Variants in LDLRAD4 observed in about 807,000 individuals in gnomAD.
The protein encoded by LDLRAD4 is low density lipoprotein receptor class A domain containing 4.
In LDLRAD4, 5 loss-of-function variants were observed where a neutral mutation model predicts 17.0. That is an observed-to-expected ratio of 0.29 (90% CI 0.15 to 0.62). LDLRAD4 has a LOEUF of 0.62. LDLRAD4 is among the 20% of genes least tolerant of loss of function. The pLI is 0.84. For missense variants in LDLRAD4, 340 were observed against 424.7 expected (o/e 0.80, Z 1.75); for synonymous variants, 168 against 171.8 (o/e 0.98, Z 0.17).
chr18:13,641,681 G>C, intron 4 of LDLRAD4: 1 of 904,814 alleles, frequency 1.1e-6, no homozygotes, highest in Non-Finnish European at 1.3e-6. Context: ...GCCTCTGGCG[G>C]TTTCCTGTCC....
intron 3 of LDLRAD4, among the ~76,000 whole-genome samples, chr18:13,593,170 G>A (rs912344240): frequency 6.6e-6 from 1 of 152,038 alleles, no homozygotes; most frequent in Non-Finnish European, 1.5e-5. Context: ...TAAATTAGCC[G>A]GACATGGTGG....
At chr18:13,491,072 C>T (rs971242177) in intron 3 of LDLRAD4, among the ~76,000 whole-genome samples, 8 of 152,206 alleles carry the variant, frequency 5.3e-5, no homozygotes, top group Non-Finnish European at 8.8e-5. Flanking sequence ...GTGGGGGCTG[C>T]TCTCTACCAT....
At chr18:13,563,770 G>A (rs531069423) in intron 3 of LDLRAD4, among the ~76,000 whole-genome samples, 4 of 152,324 alleles carry the variant, frequency 2.6e-5, no homozygotes, top group East Asian at 1.9e-4. Flanking sequence ...CCACAAGACC[G>A]ACCCCTGTTC....
chr18:13,532,018 G>A (rs1282562737), intron 3 of LDLRAD4, among the ~76,000 whole-genome samples: 1 of 152,134 alleles, frequency 6.6e-6, no homozygotes. Context: ...GCAGAGTGTG[G>A]TCCCCTGCCT....
At chr18:13,391,868 C>T (rs1315423180) in intron 2 of LDLRAD4, among the ~76,000 whole-genome samples, 1 of 152,126 alleles carries the variant, frequency 6.6e-6, no homozygotes, top group African/African-American at 2.4e-5. Context: ...CTTATAAATA[C>T]GATTTTAAAT....
Position 13,287,639 on chromosome 18 carries a change from A to G in LDLRAD4, c.-383+9451A>G, listed in dbSNP as rs371421920. 1.3e-3 allele frequency among the ~76,000 whole-genome samples: 199 copies of G among 152,286 alleles called. 1 individual carries two copies. Among genetic ancestry groups the G allele is most frequent in the African/African-American group, 4.3e-3 (179 of 41,558 alleles). On this transcript the variant is annotated intron_variant, in intron 1 of 5. Coordinates refer to ENST00000359446, the Ensembl canonical transcript of LDLRAD4. ...CCCTCAGGTTATGGGGTGGGGCGGG[A>G]GGTGCCCAAATTCTTATTCCTACAC... is the stretch of plus-strand genomic sequence containing the variant.
chr18:13,418,511 G>A (rs1184262517), intron 2 of LDLRAD4, among the ~76,000 whole-genome samples: 11 of 152,190 alleles, frequency 7.2e-5, no homozygotes, highest in Admixed American at 5.9e-4. Flanking sequence ...CTCCGGCCTC[G>A]CTGCTGTTGG....
intron 3 of LDLRAD4, among the ~76,000 whole-genome samples, chr18:13,589,382 T>A (rs1601578921): frequency 6.6e-6 from 1 of 152,204 alleles, no homozygotes; most frequent in East Asian, 1.9e-4. Context: ...CACTGAGTTT[T>A]ACCTAGGAAG....
intron 3 of LDLRAD4, among the ~76,000 whole-genome samples, chr18:13,601,267 C>A (rs960260501): frequency 6.6e-6 from 1 of 151,986 alleles, no homozygotes; most frequent in Non-Finnish European, 1.5e-5. Context: ...GGAATGTAAA[C>A]AAATCAATGA....
At chr18:13,237,273 G>A (rs1420468642) in intron 1 of LDLRAD4, among the ~76,000 whole-genome samples, 1 of 152,204 alleles carries the variant, frequency 6.6e-6, no homozygotes, top group East Asian at 1.9e-4. Flanking sequence ...AAATGCAGGG[G>A]ACTAAGTGCA....
intron 3 of LDLRAD4, among the ~76,000 whole-genome samples, chr18:13,572,623 G>T (rs2094709097): frequency 6.6e-6 from 1 of 152,220 alleles, no homozygotes; most frequent in Non-Finnish European, 1.5e-5. Flanking sequence ...GAGGAGAGGA[G>T]ATTTGCTTCT....
intron 2 of LDLRAD4, among the ~76,000 whole-genome samples, chr18:13,429,368 A>T (rs1188223228): frequency 6.6e-6 from 1 of 152,202 alleles, no homozygotes; most frequent in African/African-American, 2.4e-5. Flanking sequence ...GAAATGGGCC[A>T]TGGGGCCCAG....
intron 1 of LDLRAD4, among the ~76,000 whole-genome samples, chr18:13,360,438 C>G (rs1203990177): frequency 3.3e-5 from 5 of 152,186 alleles, no homozygotes; most frequent in Non-Finnish European, 5.9e-5. Flanking sequence ...CTGCCATGAT[C>G]CTGGCTAGTT....
At chr18:13,520,684 C>G (rs1448895391) in intron 3 of LDLRAD4, 2 of 152,190 alleles carry the variant, frequency 1.3e-5, no homozygotes, top group Non-Finnish European at 2.9e-5. Context: ...GAGACCTCGT[C>G]TCTACTAAAA....
Position 13,611,363 on chromosome 18 carries a change from A to T in LDLRAD4, c.182-9754A>T, listed in dbSNP as rs745358550. 5.2e-4 allele frequency: 287 copies of T among 552,958 alleles called. 1 individual carries two copies. In the Middle Eastern group the frequency reaches 0.012, roughly 23 times the overall value. 34.3% of individuals were successfully genotyped at this position (552,958 alleles called of 1,614,324 possible). A position where few individuals can be genotyped will look rare whatever the true frequency, so the allele number is the denominator to read the frequency against. On this transcript the variant is annotated intron_variant, in intron 3 of 5. Transcript: ENST00000359446. ...CCCGGCAGTGCTTGTGGTGGGGGTT[A>T]TTTGCAGCGTTACCATGGCAGGCTG... is the stretch of plus-strand genomic sequence containing the variant.
chr18:13,408,534 G>A (rs573825628), intron 2 of LDLRAD4, among the ~76,000 whole-genome samples: 5 of 151,932 alleles, frequency 3.3e-5, no homozygotes, highest in South Asian at 2.1e-4. Flanking sequence ...GTGCAGTGGC[G>A]TGATATTGGC....
intron 1 of LDLRAD4, among the ~76,000 whole-genome samples, chr18:13,249,656 A>G (rs2043137238): frequency 6.6e-6 from 1 of 151,434 alleles, no homozygotes; most frequent in Non-Finnish European, 1.5e-5. Flanking sequence ...TTAATCCTTC[A>G]TCAGATGCAT....
intron 2 of LDLRAD4, among the ~76,000 whole-genome samples, chr18:13,429,077 G>A (rs1327152561): frequency 3.3e-5 from 5 of 152,174 alleles, no homozygotes; most frequent in Non-Finnish European, 5.9e-5. Context: ...TAAGAGGTCA[G>A]GGAGTGGAGG....
chr18:13,603,650 A>C (rs1568393813), intron 3 of LDLRAD4, among the ~76,000 whole-genome samples: 1 of 152,336 alleles, frequency 6.6e-6, no homozygotes, highest in East Asian at 1.9e-4. Flanking sequence ...GGCCCACAGG[A>C]AGCGCCATCT....
Sources: allele counts gnomAD v4.1 joint callset (sites outside exome capture counted in the v4.1 genomes callset), GRCh38; gene constraint gnomAD v4.1.1; transcripts MANE v1.5; gene names NCBI Gene and HGNC (gene_info 2026-07-23, HGNC 2026-07-21).